DPP10: variants seen among roughly 807,000 people sequenced by gnomAD.
The protein encoded by DPP10 is dipeptidyl peptidase like 10.
A neutral mutation model predicts 120.9 loss-of-function variants in DPP10; 33 were observed. That is an observed-to-expected ratio of 0.27 (90% CI 0.21 to 0.37). The LOEUF (loss-of-function observed/expected upper bound fraction) is 0.37, where lower values mean the gene tolerates loss of function less well. Among genes scored for constraint, DPP10 ranks in the 10% least tolerant of loss-of-function variants. The pLI, the probability that DPP10 is intolerant of heterozygous loss-of-function variation, is 1.00. For missense variants in DPP10, 816 were observed against 942.8 expected (o/e 0.87, Z 1.76); for synonymous variants, 337 against 326.1 (o/e 1.03, Z -0.36).
intron 1 of DPP10, among the ~76,000 whole-genome samples, chr2:114,458,604 C>T (rs988184179): frequency 6.6e-6 from 1 of 152,100 alleles, no homozygotes; most frequent in Non-Finnish European, 1.5e-5. Flanking sequence ...TCCAGCTTGC[C>T]GCTTTTAGCA....
At chr2:114,732,553 C>G (rs747479266) in intron 1 of DPP10, among the ~76,000 whole-genome samples, 1 of 151,896 alleles carries the variant, frequency 6.6e-6, no homozygotes, top group Non-Finnish European at 1.5e-5. Flanking sequence ...ATTAAGTTGC[C>G]GAAGAGTATT....
chr2:115,092,357 C>A (rs1709335326), intron 1 of DPP10, among the ~76,000 whole-genome samples: 1 of 152,180 alleles, frequency 6.6e-6, no homozygotes, highest in Admixed American at 6.5e-5. Context: ...TCTTAAAGAG[C>A]CAGCTTATAT....
intron 1 of DPP10, among the ~76,000 whole-genome samples, chr2:114,893,883 C>G (rs1208180705): frequency 6.6e-6 from 1 of 152,124 alleles, no homozygotes; most frequent in East Asian, 1.9e-4. Context: ...CTCTGTGCAA[C>G]TTCGCTAGAA....
intron 1 of DPP10, among the ~76,000 whole-genome samples, chr2:114,564,347 A>G (rs1207281193): frequency 6.6e-6 from 1 of 152,076 alleles, no homozygotes; most frequent in Non-Finnish European, 1.5e-5. Context: ...ACGTAAATAT[A>G]TATCTTCATT....
At chr2:115,355,961 A>G (rs2064355424) in intron 3 of DPP10, among the ~76,000 whole-genome samples, 2 of 151,956 alleles carry the variant, frequency 1.3e-5, no homozygotes, top group Non-Finnish European at 1.5e-5. Context: ...GACTGTAGCC[A>G]TGTAGTGTAG....
At chr2:115,357,592 T>C (rs973237254) in intron 3 of DPP10, among the ~76,000 whole-genome samples, 6 of 152,180 alleles carry the variant, frequency 3.9e-5, no homozygotes, top group Non-Finnish European at 8.8e-5. Flanking sequence ...AAGCCGTCAG[T>C]GGATCTAACA....
At chr2:115,579,148 C>T (rs1365026847) in intron 5 of DPP10, 1 of 152,178 alleles carries the variant, frequency 6.6e-6, no homozygotes, top group East Asian at 1.9e-4. Context: ...TATCCAAGGG[C>T]AGTCTAGCAA....
chr2:114,855,113 G>T (rs1399066564), intron 1 of DPP10, among the ~76,000 whole-genome samples: 2 of 152,136 alleles, frequency 1.3e-5, no homozygotes, highest in Non-Finnish European at 2.9e-5. Context: ...AGAGGGAATG[G>T]TGGGGAGAAA....
chr2:114,793,644 G>C (rs924426775), intron 1 of DPP10, among the ~76,000 whole-genome samples: 2 of 152,158 alleles, frequency 1.3e-5, no homozygotes, highest in Non-Finnish European at 2.9e-5. Context: ...TTAATAGAAT[G>C]CTATAATGTC....
intron 1 of DPP10, among the ~76,000 whole-genome samples, chr2:114,497,132 T>C (rs1431128548): frequency 8.0e-5 from 12 of 149,598 alleles, no homozygotes; most frequent in Non-Finnish European, 1.3e-4. Flanking sequence ...CGTGTATACA[T>C]GTAGGTATAC....
At chr2:114,546,358 G>A (rs930605267) in intron 1 of DPP10, among the ~76,000 whole-genome samples, 1 of 152,152 alleles carries the variant, frequency 6.6e-6, no homozygotes, top group African/African-American at 2.4e-5. Context: ...CAGATCTCAT[G>A]AGAACTCACT....
In DPP10 at chr2:115,367,332, T is replaced by C. The variant is rs2065139876; in HGVS notation, c.271+23420T>C. Among the ~76,000 whole-genome samples the C allele has an allele frequency of 3.3e-5, 5 of 151,978 alleles. No individual in the cohort carries two copies. The South Asian group carries it at 1.0e-3, about 32-fold the overall frequency. ...CAAATGTTGGGATTTTTAGTTAAAT[T>C]CTAGAAAATATATAGGTCACGGATG... On this transcript the variant is annotated intron_variant, in intron 3 of 25. Coordinates refer to ENST00000410059, the MANE Select transcript of DPP10 (RefSeq NM_020868.6).
chr2:114,923,469 T>C lies in DPP10; in HGVS notation c.61-385770T>C, dbSNP rs546812661. ...CGTGAGCCACCACGCTTGGCCTTTT[T>C]TCCTTTTTTTTTTTTTTTTTTTTTT... On this transcript the variant is annotated intron_variant, in intron 1 of 25. Transcript: ENST00000410059. Among the ~76,000 whole-genome samples the C allele has an allele frequency of 4.0e-4, 58 of 143,890 alleles. 1 individual carries two copies. The South Asian group carries it at 6.0e-3, about 15-fold the overall frequency. The allele number at this position is 143,890 out of a possible 152,430, so 94.4% of individuals were successfully genotyped here.
At chr2:114,711,647 A>G (rs913548473) in intron 1 of DPP10, among the ~76,000 whole-genome samples, 1 of 152,174 alleles carries the variant, frequency 6.6e-6, no homozygotes, top group African/African-American at 2.4e-5. Context: ...AGAAGAACCA[A>G]CCTGACCCTT....
intron 5 of DPP10, among the ~76,000 whole-genome samples, chr2:115,631,477 C>A (rs548682977): frequency 9.2e-5 from 14 of 152,084 alleles, no homozygotes; most frequent in Non-Finnish European, 1.9e-4. Context: ...ACTGTTGGTT[C>A]TCTAATTCTT....
intron 1 of DPP10, among the ~76,000 whole-genome samples, chr2:114,865,177 G>T (rs1408600209): frequency 3.3e-5 from 5 of 152,194 alleles, no homozygotes; most frequent in African/African-American, 1.2e-4. Flanking sequence ...AGACCTCTAG[G>T]TGTTTACATA....
At chr2:114,996,980 C>CAAAAA (rs34287029) in intron 1 of DPP10, among the ~76,000 whole-genome samples, 1 of 66,470 alleles carries the variant, frequency 1.5e-5, no homozygotes, top group African/African-American at 5.9e-5. Context: ...GACTCCATCT[C>CAAAAA]AAAAAAAAAA....
intron 4 of DPP10, among the ~76,000 whole-genome samples, chr2:115,506,192 C>T (rs1487726777): frequency 1.3e-5 from 2 of 151,974 alleles, no homozygotes; most frequent in Non-Finnish European, 2.9e-5. Context: ...CTTCTGCAGC[C>T]CTTCCACACT....
intron 3 of DPP10, among the ~76,000 whole-genome samples, chr2:115,409,667 A>G (rs2068792885): frequency 1.3e-5 from 2 of 152,204 alleles, no homozygotes; most frequent in African/African-American, 4.8e-5. Context: ...TTGCATATCT[A>G]TCAAGAGGAA....
Sources: allele counts gnomAD v4.1 joint callset (sites outside exome capture counted in the v4.1 genomes callset), GRCh38; gene constraint gnomAD v4.1.1; transcripts MANE v1.5; gene names NCBI Gene and HGNC (gene_info 2026-07-23, HGNC 2026-07-21).